JMJD7: variants seen among roughly 807,000 people sequenced by gnomAD.
JMJD7 encodes jumonji domain containing 7, also known as bifunctional peptidase and (3S)-lysyl hydroxylase JMJD7.
Under a neutral mutation model 41.1 loss-of-function variants are expected in JMJD7, and 41 were observed. The observed-to-expected ratio is 1.00, with a 90% CI of 0.78 to 1.30. The LOEUF (loss-of-function observed/expected upper bound fraction) is 1.30, where lower values mean the gene tolerates loss of function less well. Ranked by LOEUF, JMJD7 falls within the 50% of genes most tolerant of loss-of-function variation. The pLI is 0.00. For missense variants in JMJD7, 480 were observed against 420.7 expected, an observed-to-expected ratio of 1.14 and a Z score of -1.23; for synonymous variants, 202 against 177.2, an observed-to-expected ratio of 1.14 and a Z score of -1.11.
At chr15:41,828,655 C>G (rs1355248752) in intron 1 of JMJD7, among the ~76,000 whole-genome samples, 1 of 151,772 alleles carries the variant, frequency 6.6e-6, no homozygotes, top group African/African-American at 2.4e-5. Context: ...CTTCTTTTTT[C>G]TATTTTTAAA....
intron 1 of JMJD7, among the ~76,000 whole-genome samples, chr15:41,831,184 A>G (rs2065225204): frequency 6.6e-6 from 1 of 152,234 alleles, no homozygotes. Flanking sequence ...AGAAGAGACG[A>G]TGGGACGACC....
rs776141353 is a variant in JMJD7, at chr15:41,835,568, C to G, written c.473-20C>G. 9.3e-6 allele frequency: 15 copies of G among 1,610,880 alleles called. No homozygotes were observed. The highest frequency in any genetic ancestry group is 1.0e-5 in the Non-Finnish European group (12 of 1,178,686). On this transcript the variant is annotated intron_variant, in intron 3 of 7. Coordinates refer to ENST00000397299, the MANE Select transcript of JMJD7 (RefSeq NM_001114632.2). ...CCCAGCCTGGCCTTCCTAACTTGCT[C>G]TCTGCCTTCTGCCCTGCAGGAAAGA... is the stretch of plus-strand genomic sequence containing the variant.
At chr15:41,832,287 G>A (rs78460360) in intron 1 of JMJD7, 1,944 of 163,400 alleles carry the variant, frequency 0.012, 47 homozygotes, top group African/African-American at 0.044. Flanking sequence ...CTGCAGGGCC[G>A]AGTGGGCCCA....
intron 1 of JMJD7, among the ~76,000 whole-genome samples, chr15:41,832,681 C>T (rs1050962428): frequency 3.3e-5 from 5 of 152,292 alleles, no homozygotes; most frequent in Non-Finnish European, 5.9e-5. Flanking sequence ...TCTTCTCACT[C>T]AGTTACAATA....
intron 1 of JMJD7, among the ~76,000 whole-genome samples, chr15:41,830,449 T>C (rs1247482539): frequency 6.6e-6 from 1 of 152,204 alleles, no homozygotes; most frequent in Admixed American, 6.5e-5. Context: ...GGCCACATGT[T>C]CCACAGAGCT....
intron 1 of JMJD7, among the ~76,000 whole-genome samples, chr15:41,834,403 C>G (rs959207152): frequency 6.6e-6 from 1 of 152,208 alleles, no homozygotes; most frequent in Non-Finnish European, 1.5e-5. Flanking sequence ...TCCATGGTGG[C>G]CTTTCCTGGT....
chr15:41,836,165 G>A lies in JMJD7; in HGVS notation c.547G>A (p.Glu183Lys), dbSNP rs758005508. The A allele has an allele frequency of 1.2e-6, 2 of 1,608,340 alleles. No individual in the cohort carries two copies. The highest frequency in any genetic ancestry group is 1.7e-6 in the Non-Finnish European group (2 of 1,177,124). The change falls in exon 5 of 8, where the codon GAG becomes AAG. Residue 183 changes from glutamate (E) to lysine (K), a missense_variant. Glu to Lys is a moderately conservative substitution (Grantham distance 56). Transcript: ENST00000397299. Reference protein sequence around the residue: ...AVTSLHKDHYENLYCVVSGEK... With the variant: ...AVTSLHKDHYKNLYCVVSGEK... ...GTTGGCAGTGCACAAGGACCACTATGAGAACCTCTACTGCGTGGTCTCAGG... is the reference window on the plus strand; with the variant it reads ...GTTGGCAGTGCACAAGGACCACTATAAGAACCTCTACTGCGTGGTCTCAGG...
intron 1 of JMJD7, chr15:41,829,288 C>T (rs968580748): frequency 4.6e-5 from 7 of 152,276 alleles, no homozygotes; most frequent in African/African-American, 1.7e-4. Flanking sequence ...GTCTTCTGCG[C>T]ATGTGTGAGT....
chr15:41,835,660 A>T lies in JMJD7; in HGVS notation c.529+16A>T, dbSNP rs769982541. ...GTGACTTCTTGTAGGTGTAAGGGGA[A>T]TACAAAGGTGGGGAAGGAGCAGGTT... On this transcript the variant is annotated intron_variant, in intron 4 of 7. Transcript: ENST00000397299. 4 of 1,610,944 alleles carry T rather than the reference A, an allele frequency of 2.5e-6. No homozygotes were observed. The South Asian group carries it at 4.4e-5, about 18-fold the overall frequency.
chr15:41,834,541 G>T (rs2065279168), intron 1 of JMJD7, among the ~76,000 whole-genome samples, 199 bp from the exon 2 acceptor site: 1 of 152,264 alleles, frequency 6.6e-6, no homozygotes. Context: ...CAGGGCCCAT[G>T]CTGGTGTGTG....
In JMJD7 at chr15:41,835,592, G is replaced by C. The variant is rs761986661; in HGVS notation, c.477G>C (p.Lys159Asn). ...TCTCTGCCTTCTGCCCTGCAGGAAA[G>C]ATGCCCGATGCTGTGAACTTCTGGC... ...HVPWASEALG[K>N]MPDAVNFWLG... is the part of the protein sequence containing the mutation. Residue 159 changes from lysine to asparagine, a missense_variant, in exon 4 of 8, where the codon AAG (lysine) becomes AAC (asparagine). Physicochemically the swap from Lys to Asn is moderately conservative, Grantham distance 94. Transcript: ENST00000397299. 1 of 1,613,832 alleles carries C rather than the reference G, an allele frequency of 6.2e-7. No individual in the cohort carries two copies. The highest frequency in any genetic ancestry group is 8.5e-7 in the Non-Finnish European group (1 of 1,179,864).
At chr15:41,831,980 T>C (rs1040935193) in intron 1 of JMJD7, among the ~76,000 whole-genome samples, 1 of 152,202 alleles carries the variant, frequency 6.6e-6, no homozygotes, top group African/African-American at 2.4e-5. Context: ...CTTCCCAAGC[T>C]GGGGTTCTGA....
In JMJD7 at chr15:41,837,418, G is replaced by A. The variant is rs78871281; in HGVS notation, c.*262G>A. 47 of 530,288 alleles carry A rather than the reference G, an allele frequency of 8.9e-5. No individual in the cohort carries two copies. Among genetic ancestry groups the A allele is most frequent in the African/African-American group, 8.0e-4 (42 of 52,440 alleles). The allele number at this position is 530,288 out of a possible 1,614,324, so 32.8% of individuals were successfully genotyped here. On this transcript the variant is annotated 3_prime_UTR_variant, in exon 8 of 8. Coordinates refer to ENST00000397299, the MANE Select transcript of JMJD7 (RefSeq NM_001114632.2). ...AGGTGCAGCGGCACCTCTCCCCAGC[G>A]CTGTGATGTTGGGCGAGTCACTGCG... is the stretch of plus-strand genomic sequence containing the variant.
chr15:41,832,624 C>G (rs1479002456), intron 1 of JMJD7: 1 of 152,248 alleles, frequency 6.6e-6, no homozygotes, highest in African/African-American at 2.4e-5. Context: ...GGGAAGCAAG[C>G]AGGCACACCA....
rs773046902 is a variant in JMJD7 at position 41,834,718 on chromosome 15, CCT to C, written c.65-21_65-20del. 8.0e-5 allele frequency: 129 copies of C among 1,611,622 alleles called. No homozygotes were observed. The African/African-American group carries it at 8.9e-4, about 11-fold the overall frequency. On this transcript the variant is annotated intron_variant, in intron 1 of 7. Coordinates refer to ENST00000397299, the MANE Select transcript of JMJD7 (RefSeq NM_001114632.2). Reference sequence around the variant, plus strand: ...GCTGCAGACATCAGCCCTTCCATCCCCTGTCTTCTTCTTTCTCTCAGAGCTCT... The same window carrying C: ...GCTGCAGACATCAGCCCTTCCATCCCGTCTTCTTCTTTCTCTCAGAGCTCT...
Position 41,836,456 on chromosome 15 carries a change from C to T in JMJD7, c.626-19C>T. On this transcript the variant is annotated intron_variant, in intron 5 of 7. Coordinates refer to ENST00000397299, the MANE Select transcript of JMJD7 (RefSeq NM_001114632.2). ...AGGCTGTTTGCAATTCCCCCACACC[C>T]TTCTCCCTTGGGCTCCAGAGCTGTA... is the stretch of plus-strand genomic sequence containing the variant. 1 of 1,569,154 alleles carries T rather than the reference C, an allele frequency of 6.4e-7. No individual in the cohort carries two copies. Among genetic ancestry groups the T allele is most frequent in the Non-Finnish European group, 8.7e-7 (1 of 1,156,044 alleles).
chr15:41,831,313 C>T (rs1280895403), intron 1 of JMJD7, among the ~76,000 whole-genome samples: 1 of 152,156 alleles, frequency 6.6e-6, no homozygotes, highest in East Asian at 1.9e-4. Flanking sequence ...CTTTCTTTTC[C>T]AGTATTCCTG....
Position 41,837,153 on chromosome 15 carries a change from C to T in JMJD7, c.948C>T (p.Asp316=). The T allele has an allele frequency of 3.1e-6, 5 of 1,606,694 alleles. No homozygotes were observed. The highest frequency in any genetic ancestry group is 2.2e-5 in the East Asian group (1 of 44,770). The stretch of plus-strand genomic sequence containing the variant: ...CCCTCACCAAGGCTTCAGGCCTTGA[C>T]TGATGGAGCACTGGTGAACACCACC... The part of the protein sequence containing the change: ...LDSLTKASGL[D] The change falls in exon 8 of 8, where the codon GAC becomes GAT. Residue 316 remains aspartate, a synonymous_variant. Transcript: ENST00000397299.
At chr15:41,833,352 C>T (rs1267488816) in intron 1 of JMJD7, among the ~76,000 whole-genome samples, 2 of 136,918 alleles carry the variant, frequency 1.5e-5, no homozygotes, top group African/African-American at 5.5e-5. Flanking sequence ...CACATTCTAG[C>T]AAGGGTGAAA....
Sources: allele counts gnomAD v4.1 joint callset (sites outside exome capture counted in the v4.1 genomes callset), GRCh38; gene constraint gnomAD v4.1.1; transcripts MANE v1.5; gene names NCBI Gene and HGNC (gene_info 2026-07-23, HGNC 2026-07-21).